The following NRG3 variants were observed in gnomAD, a reference collection of about 807,000 sequenced individuals.
NRG3 encodes neuregulin 3, also known as pro-neuregulin-3, membrane-bound isoform.
Under a neutral mutation model 66.9 loss-of-function variants are expected in NRG3, and 31 were observed. The observed-to-expected ratio is 0.46, with a 90% confidence interval of 0.35 to 0.63. The LOEUF (loss-of-function observed/expected upper bound fraction) is 0.63, where lower values mean the gene tolerates loss of function less well. NRG3 is among the 20% of genes least tolerant of loss of function. The pLI, the probability that NRG3 is intolerant of heterozygous loss-of-function variation, is 0.00. For missense variants in NRG3, 910 were observed against 878.9 expected (o/e 1.04, Z -0.45); for synonymous variants, 393 against 359.4 (o/e 1.09, Z -1.06).
At position 82,814,476 on chromosome 10, in the gene NRG3, A is replaced by G. The variant is rs146725376; in HGVS notation, c.1028-50935A>G. 8.7e-4 allele frequency among the ~76,000 whole-genome samples: 132 copies of G among 152,292 alleles called. 2 individuals are homozygous for G. In the East Asian group the frequency reaches 0.024, roughly 28 times the overall value. On this transcript the variant is annotated intron_variant, in intron 3 of 8. Coordinates refer to ENST00000372141, the MANE Select transcript of NRG3 (RefSeq NM_001010848.4). ...ATGGGGCTTCTCCCCGAAGACTACC[A>G]CTGATGAGGAAGCCTGTGGAGCCAG...
intron 4 of NRG3, among the ~76,000 whole-genome samples, chr10:82,916,872 T>C (rs1011797355): frequency 1.3e-5 from 2 of 152,182 alleles, no homozygotes; most frequent in Non-Finnish European, 2.9e-5. Context: ...TGCCTCAGCC[T>C]CCCAAAGTGC....
intron 2 of NRG3, among the ~76,000 whole-genome samples, chr10:82,429,605 T>C (rs2089665366): frequency 6.6e-6 from 1 of 152,164 alleles, no homozygotes; most frequent in Non-Finnish European, 1.5e-5. Flanking sequence ...GTGAATTTCT[T>C]TGAATTTATC....
At chr10:82,529,171 A>G (rs1289977669) in intron 2 of NRG3, among the ~76,000 whole-genome samples, 1 of 152,228 alleles carries the variant, frequency 6.6e-6, no homozygotes, top group Admixed American at 6.5e-5. Flanking sequence ...TAGCAGGCAG[A>G]TGTTTGCTGA....
At chr10:82,607,991 G>T (rs946194755) in intron 2 of NRG3, among the ~76,000 whole-genome samples, 1 of 151,992 alleles carries the variant, frequency 6.6e-6, no homozygotes, top group Non-Finnish European at 1.5e-5. Flanking sequence ...AGATCAATAA[G>T]AAAAAGGAAA....
intron 1 of NRG3, among the ~76,000 whole-genome samples, chr10:82,312,904 C>T (rs143256962): frequency 4.1e-4 from 63 of 152,116 alleles, no homozygotes; most frequent in African/African-American, 1.5e-3. Flanking sequence ...TGGCTGTCAA[C>T]GGTGGCTCAT....
At chr10:82,011,749 C>A (rs930547527) in intron 1 of NRG3, among the ~76,000 whole-genome samples, 2 of 152,178 alleles carry the variant, frequency 1.3e-5, no homozygotes, top group East Asian at 1.9e-4. Context: ...TTTTAGAGCT[C>A]CAAAATGATC....
rs1853269428 is a variant in NRG3, at chr10:82,984,664, C to T, written c.1584-434C>T. 2.9e-6 allele frequency: 3 copies of T among 1,032,510 alleles called. No individual in the cohort carries two copies. The African/African-American group carries it at 4.8e-5, about 16-fold the overall frequency. The allele number at this position is 1,032,510 out of a possible 1,614,324, so 64.0% of individuals were successfully genotyped here. A position where few individuals can be genotyped will look rare whatever the true frequency, so the allele number is the denominator to read the frequency against. On this transcript the variant is annotated intron_variant, in intron 8 of 8. Transcript: ENST00000372141. ...GGCCACAACAAGTCTACTGGACTAACCCAGGGCTGAGAGGGTGGTCGAGTT... is the reference window on the plus strand; with the variant it reads ...GGCCACAACAAGTCTACTGGACTAATCCAGGGCTGAGAGGGTGGTCGAGTT...
intron 3 of NRG3, among the ~76,000 whole-genome samples, chr10:82,819,034 A>T (rs571600548): frequency 7.2e-5 from 11 of 152,252 alleles, no homozygotes; most frequent in Non-Finnish European, 1.5e-4. Context: ...CTAAGTAATC[A>T]TGATGATGCC....
At chr10:82,564,397 C>T (rs1184141538) in intron 2 of NRG3, among the ~76,000 whole-genome samples, 9 of 152,056 alleles carry the variant, frequency 5.9e-5, no homozygotes, top group Non-Finnish European at 1.2e-4. Context: ...AATTCTGCTT[C>T]GAATGGACAT....
intron 4 of NRG3, among the ~76,000 whole-genome samples, chr10:82,918,745 T>TG (rs1228431738): frequency 1.3e-5 from 2 of 152,190 alleles, no homozygotes; most frequent in African/African-American, 2.4e-5. Context: ...TTTCAACTCC[T>TG]GGGATTCCTT....
chr10:82,408,170 G>T (rs1171178888), intron 2 of NRG3, among the ~76,000 whole-genome samples: 2 of 150,488 alleles, frequency 1.3e-5, no homozygotes, highest in South Asian at 4.2e-4. Flanking sequence ...TAACAATTTG[G>T]AAATGTACTT....
chr10:82,665,558 A>G (rs186209718), intron 2 of NRG3, among the ~76,000 whole-genome samples: 1 of 152,300 alleles, frequency 6.6e-6, no homozygotes, highest in Admixed American at 6.5e-5. Flanking sequence ...TGGTTTATTC[A>G]GTAATACCTA....
chr10:82,893,854 G>A (rs1843404054), intron 4 of NRG3, among the ~76,000 whole-genome samples: 1 of 151,988 alleles, frequency 6.6e-6, no homozygotes. Flanking sequence ...TAGAAAAAAT[G>A]AATCATAGTA....
At chr10:81,887,564 G>A (rs1842710878) in intron 1 of NRG3, among the ~76,000 whole-genome samples, 1 of 152,102 alleles carries the variant, frequency 6.6e-6, no homozygotes, top group Admixed American at 6.6e-5. Context: ...TTTACTGGAT[G>A]CTATAAGCCT....
chr10:82,671,560 C>A (rs1487796308), intron 2 of NRG3, among the ~76,000 whole-genome samples: 1 of 152,174 alleles, frequency 6.6e-6, no homozygotes, highest in Non-Finnish European at 1.5e-5. Context: ...AGAGCTTGGA[C>A]TTCAGGTTGG....
intron 1 of NRG3, among the ~76,000 whole-genome samples, chr10:82,229,554 T>A (rs1681507830): frequency 6.6e-6 from 1 of 152,198 alleles, no homozygotes; most frequent in Non-Finnish European, 1.5e-5. Flanking sequence ...TGACTCACAG[T>A]TCTGCATTGC....
chr10:82,546,727 A>G (rs2043942987), intron 2 of NRG3, among the ~76,000 whole-genome samples: 3 of 152,206 alleles, frequency 2.0e-5, no homozygotes, highest in Admixed American at 1.3e-4. Flanking sequence ...CCACTCATAT[A>G]TCATGCATGT....
At chr10:82,157,708 G>A (rs2071288715) in intron 1 of NRG3, among the ~76,000 whole-genome samples, 1 of 147,664 alleles carries the variant, frequency 6.8e-6, no homozygotes, top group South Asian at 2.2e-4. Context: ...AAGAATGACA[G>A]ACATGAATAC....
At chr10:82,186,894 A>G (rs970731283) in intron 1 of NRG3, among the ~76,000 whole-genome samples, 1 of 152,104 alleles carries the variant, frequency 6.6e-6, no homozygotes, top group Non-Finnish European at 1.5e-5. Context: ...GCTGTAACAC[A>G]GGGAATCCCA....
Sources: allele counts gnomAD v4.1 joint callset (sites outside exome capture counted in the v4.1 genomes callset), GRCh38; gene constraint gnomAD v4.1.1; transcripts MANE v1.5; gene names NCBI Gene and HGNC (gene_info 2026-07-23, HGNC 2026-07-21).